The following MYLK4 variants were observed in gnomAD, a reference collection of about 807,000 sequenced individuals.
MYLK4 encodes caMLCK like.
A neutral mutation model predicts 48.1 loss-of-function variants in MYLK4; 46 were observed. The observed-to-expected ratio is 0.96, with a 90% CI of 0.75 to 1.22. The LOEUF is 1.22. MYLK4 is among the 50% of genes most tolerant of loss of function. The probability of loss-of-function intolerance (pLI) is 0.00; values close to 1 mark genes in which losing one functional copy is unlikely to be tolerated. For synonymous variants in MYLK4, 170 were observed against 180.8 expected, an observed-to-expected ratio of 0.94 and a Z score of 0.48; for missense variants, 451 against 486.1, an observed-to-expected ratio of 0.93 and a Z score of 0.68.
Position 2,688,938 on chromosome 6 carries a change from G to A in MYLK4, c.254C>T (p.Pro85Leu), listed in dbSNP as rs768060086. 33 of 1,614,014 alleles carry A rather than the reference G, an allele frequency of 2.0e-5. No individual in the cohort carries two copies. Among genetic ancestry groups the A allele is most frequent in the Admixed American group, 1.0e-4 (6 of 60,004 alleles). The change falls in exon 4 of 13, where the codon CCG becomes CTG. Residue 85 changes from proline to leucine, a missense_variant. Transcript: ENST00000274643. The part of the protein sequence containing the change: ...SALAVDIPAP[P>L]APFDHRIVTA... ...CACAATACGATGATCAAATGGGGCC[G>A]GAGGAGCCGGGATGTCAACTAGAAG...
chr6:2,677,116 A>C (rs933846405), intron 10 of MYLK4, among the ~76,000 whole-genome samples: 49 of 152,084 alleles, frequency 3.2e-4, no homozygotes, highest in African/African-American at 1.2e-3. Context: ...GGTTCTCTTC[A>C]TCCTCTAAGG....
intron 2 of MYLK4, among the ~76,000 whole-genome samples, chr6:2,722,473 A>G (rs920458053): frequency 6.6e-6 from 1 of 151,608 alleles, no homozygotes; most frequent in African/African-American, 2.4e-5. Flanking sequence ...TAATATAACT[A>G]TGTTGAGAGA....
intron 2 of MYLK4, among the ~76,000 whole-genome samples, chr6:2,696,647 T>C (rs900901606): frequency 1.3e-5 from 2 of 152,260 alleles, no homozygotes; most frequent in Non-Finnish European, 2.9e-5. Flanking sequence ...TAATTTGCTA[T>C]AGCAGCCCAA....
At chr6:2,719,263 T>C (rs1050205690) in intron 2 of MYLK4, among the ~76,000 whole-genome samples, 3 of 152,184 alleles carry the variant, frequency 2.0e-5, no homozygotes, top group African/African-American at 7.2e-5. Context: ...GTACATTGAA[T>C]TTTTATCAGT....
intron 7 of MYLK4, among the ~76,000 whole-genome samples, chr6:2,681,524 G>C (rs1446512827): frequency 6.6e-6 from 1 of 152,160 alleles, no homozygotes; most frequent in Non-Finnish European, 1.5e-5. Context: ...GCAGGATATA[G>C]AGAAACCGTT....
chr6:2,736,207 A>G (rs1343213983), intron 2 of MYLK4, among the ~76,000 whole-genome samples: 1 of 152,276 alleles, frequency 6.6e-6, no homozygotes. Flanking sequence ...GTTAACATTT[A>G]TTACATGCTT....
chr6:2,688,216 G>A (rs1469490967), intron 4 of MYLK4, among the ~76,000 whole-genome samples: 4 of 151,868 alleles, frequency 2.6e-5, no homozygotes, highest in Non-Finnish European at 5.9e-5. Context: ...GCGCCACCAC[G>A]CCCAGCTAAT....
chr6:2,669,839 C>G (rs60645910), intron 12 of MYLK4, among the ~76,000 whole-genome samples: 17 of 152,138 alleles, frequency 1.1e-4, no homozygotes, highest in African/African-American at 2.7e-4. Context: ...AATGCACAAG[C>G]CTTCCTGTTC....
the MYLK4 span, among the ~76,000 whole-genome samples, chr6:2,768,492 C>T: frequency 3.9e-5 from 6 of 152,328 alleles, no homozygotes; most frequent in East Asian, 1.2e-3. Flanking sequence ...AGCTACTTTC[C>T]TGTTTTATTT....
chr6:2,746,654 G>A (rs1036460546), intron 2 of MYLK4, among the ~76,000 whole-genome samples: 25 of 152,172 alleles, frequency 1.6e-4, no homozygotes, highest in African/African-American at 6.0e-4. Flanking sequence ...GCACCACAGG[G>A]GATGTTTCTA....
intron 3 of MYLK4, 142 bp downstream of exon 3, chr6:2,692,642 A>AAG (rs375713564): frequency 5.2e-5 from 11 of 211,522 alleles, no homozygotes; most frequent in East Asian, 1.6e-4. Flanking sequence ...AAAAAAAAAA[A>AAG]GGGGGGGGGG....
chr6:2,709,493 C>T (rs1323869442), intron 2 of MYLK4, among the ~76,000 whole-genome samples: 2 of 152,208 alleles, frequency 1.3e-5, no homozygotes, highest in African/African-American at 2.4e-5. Context: ...GGTTCACCAC[C>T]TTAGAATTCA....
chr6:2,708,152 T>C (rs1762556176), intron 2 of MYLK4, among the ~76,000 whole-genome samples: 2 of 152,234 alleles, frequency 1.3e-5, no homozygotes. Context: ...GTTTCATTAC[T>C]AAGTTCAAGT....
rs371657125 is a variant in MYLK4, at chr6:2,697,504, C to G, written c.160-4645G>C. On this transcript the variant is annotated intron_variant, in intron 2 of 12. Transcript: ENST00000274643. ...GCGGCATCGGTCCACAGGCGTGTGCCGGCTACCTGGGCATGAGTGCGCTCT... is the reference window on the plus strand; with the variant it reads ...GCGGCATCGGTCCACAGGCGTGTGCGGGCTACCTGGGCATGAGTGCGCTCT... Among the ~76,000 whole-genome samples, 3 of 152,228 alleles carry G rather than the reference C, an allele frequency of 2.0e-5. No individual in the cohort carries two copies. In the South Asian group the frequency reaches 6.2e-4, roughly 32 times the overall value.
At chr6:2,680,488 A>G (rs554050320) in intron 7 of MYLK4, 197 bp from the exon 8 acceptor site, 1 of 985,420 alleles carries the variant, frequency 1.0e-6, no homozygotes, top group South Asian at 4.7e-5. Flanking sequence ...CCAACCCTGC[A>G]TTATCCAGCC....
At chr6:2,765,185 C>A in the MYLK4 span, among the ~76,000 whole-genome samples, 28 of 101,838 alleles carry the variant, frequency 2.7e-4, no homozygotes, top group Admixed American at 3.8e-4. Flanking sequence ...CCTCGCAACC[C>A]CCCCCCCCGC....
chr6:2,702,517 G>C (rs1207208428), intron 2 of MYLK4, among the ~76,000 whole-genome samples: 1 of 152,206 alleles, frequency 6.6e-6, no homozygotes, highest in Non-Finnish European at 1.5e-5. Flanking sequence ...GGAAAGATGA[G>C]CTGTTGATTA....
At chr6:2,736,715 AG>A (rs1763686292) in intron 2 of MYLK4, among the ~76,000 whole-genome samples, 2 of 152,202 alleles carry the variant, frequency 1.3e-5, no homozygotes, top group Admixed American at 6.5e-5. Flanking sequence ...GGCAATTCTC[AG>A]GGGAAAAGGA....
intron 12 of MYLK4, among the ~76,000 whole-genome samples, chr6:2,669,955 C>A (rs1420618084): frequency 6.6e-6 from 1 of 152,196 alleles, no homozygotes; most frequent in Non-Finnish European, 1.5e-5. Flanking sequence ...CTATGAGGTA[C>A]TGATTCATTT....
Sources: gnomAD v4.1 joint callset for allele counts (sites outside exome capture counted in the v4.1 genomes callset) on GRCh38, gnomAD v4.1.1 for gene constraint, MANE v1.5 for transcripts, NCBI Gene and HGNC (gene_info 2026-07-23, HGNC 2026-07-21) for gene names.